EPC2: variants seen among roughly 807,000 people sequenced by gnomAD.
EPC2 encodes the protein enhancer of polycomb 2, also known as enhancer of polycomb homolog 2.
EPC2 carries 14 observed loss-of-function variants against 92.1 expected under a neutral mutation model. The observed-to-expected ratio is 0.15, with a 90% CI of 0.10 to 0.24. EPC2 has a LOEUF of 0.24. Among genes scored for constraint, EPC2 ranks in the 10% least tolerant of loss-of-function variants. The pLI is 1.00. For synonymous variants in EPC2, 340 were observed against 334.7 expected, an observed-to-expected ratio of 1.02 and a Z score of -0.17; for missense variants, 755 against 971.5, an observed-to-expected ratio of 0.78 and a Z score of 2.96.
chr2:148,689,431 G>T (rs1421568671), intron 1 of EPC2, among the ~76,000 whole-genome samples: 1 of 152,128 alleles, frequency 6.6e-6, no homozygotes, highest in African/African-American at 2.4e-5. Context: ...GCCCATCTTG[G>T]CCTCCCAAAG....
chr2:148,739,272 T>C (rs1256224866), intron 2 of EPC2, among the ~76,000 whole-genome samples: 1 of 152,234 alleles, frequency 6.6e-6, no homozygotes. Context: ...TATTATGAAG[T>C]AATGGGCAGT....
Position 148,783,684 on chromosome 2 carries a change from C to A in EPC2, c.1945C>A (p.Pro649Thr). Residue 649 changes from proline (P) to threonine (T), a missense_variant, in exon 12 of 14, where the codon CCA becomes ACA. Physicochemically the swap from Pro to Thr is conservative, Grantham distance 38. Coordinates refer to ENST00000258484, the MANE Select transcript of EPC2 (RefSeq NM_015630.4). Reference sequence around the variant, plus strand: ...ATCTGCAGTGGTCAGTGCACCTGTTCCAAGTCGCAGTGAGGTAGCCAAGGA... The same window carrying A: ...ATCTGCAGTGGTCAGTGCACCTGTTACAAGTCGCAGTGAGGTAGCCAAGGA... The part of the protein sequence containing the change: ...AASAVVSAPV[P>T]SRSEVAKEQN... 6.3e-7 allele frequency: 1 copy of A among 1,597,426 alleles called. No homozygotes were observed. Among genetic ancestry groups the A allele is most frequent in the East Asian group, 2.2e-5 (1 of 44,448 alleles).
chr2:148,680,851 C>G (rs1412884965), intron 1 of EPC2, among the ~76,000 whole-genome samples: 1 of 152,066 alleles, frequency 6.6e-6, no homozygotes, highest in African/African-American at 2.4e-5. Flanking sequence ...AGAAGAGGAC[C>G]AGTATATAAA....
chr2:148,693,221 T>A (rs1276881791), intron 2 of EPC2, among the ~76,000 whole-genome samples: 2 of 152,222 alleles, frequency 1.3e-5, no homozygotes, highest in African/African-American at 4.8e-5. Context: ...TTCCTTTTCT[T>A]CTTTTAATGA....
Position 148,765,037 on chromosome 2 carries a change from A to C in EPC2, c.1031A>C (p.Glu344Ala). 6.2e-7 allele frequency: 1 copy of C among 1,608,670 alleles called. No individual in the cohort carries two copies. Among genetic ancestry groups the C allele is most frequent in the Non-Finnish European group, 8.5e-7 (1 of 1,176,910 alleles). Residue 344 changes from glutamate (E) to alanine (A), a missense_variant, in exon 7 of 14, where the codon GAG (glutamate) becomes GCG (alanine). Glu to Ala is a moderately radical substitution (Grantham distance 107). Coordinates refer to ENST00000258484, the MANE Select transcript of EPC2 (RefSeq NM_015630.4). Reference sequence around the variant, plus strand: ...AAGTACCCAAAGAAGCCTAAAGCAGAGGCTTTGATAACATCTCAGCAACCC... The same window carrying C: ...AAGTACCCAAAGAAGCCTAAAGCAGCGGCTTTGATAACATCTCAGCAACCC... ...KKKYPKKPKA[E>A]ALITSQQPTP...
chr2:148,775,390 G>A lies in EPC2; in HGVS notation c.1720+4003G>A, dbSNP rs1406565298. On this transcript the variant is annotated intron_variant, in intron 10 of 13. Transcript: ENST00000258484. Reference sequence around the variant, plus strand: ...TTATTTAACTGTTCTTTGAAATGATGTTCTTAAATCCAGAACTCAAGAAAA... The same window carrying A: ...TTATTTAACTGTTCTTTGAAATGATATTCTTAAATCCAGAACTCAAGAAAA... Among the ~76,000 whole-genome samples the A allele has an allele frequency of 2.0e-5, 3 of 151,826 alleles. No individual in the cohort carries two copies. In the South Asian group the frequency reaches 6.2e-4, roughly 31 times the overall value.
chr2:148,700,174 T>C (rs553265940), intron 2 of EPC2, among the ~76,000 whole-genome samples: 8 of 152,278 alleles, frequency 5.3e-5, no homozygotes, highest in African/African-American at 1.9e-4. Context: ...CTGTGCCTTG[T>C]CTTTTCATTC....
At chr2:148,685,272 G>A (rs1436224782) in intron 1 of EPC2, among the ~76,000 whole-genome samples, 2 of 150,264 alleles carry the variant, frequency 1.3e-5, no homozygotes, top group South Asian at 2.1e-4. Context: ...TTTATTGTTC[G>A]TACTTCTGAA....
At chr2:148,783,088 T>A (rs886441523) in intron 11 of EPC2, among the ~76,000 whole-genome samples, 1 of 152,218 alleles carries the variant, frequency 6.6e-6, no homozygotes, top group Non-Finnish European at 1.5e-5. Context: ...GGACTAGGGC[T>A]GTAGGACTTA....
intron 2 of EPC2, among the ~76,000 whole-genome samples, chr2:148,718,393 T>C (rs996331434): frequency 6.6e-6 from 1 of 152,180 alleles, no homozygotes; most frequent in African/African-American, 2.4e-5. Context: ...CCTTTCCATA[T>C]TTAGTGCTTC....
At chr2:148,733,479 A>ATTTTTTTTTTTTTTTTTT (rs34219179) in intron 2 of EPC2, among the ~76,000 whole-genome samples, 2 of 26,680 alleles carry the variant, frequency 7.5e-5, no homozygotes, top group African/African-American at 2.6e-4. Context: ...CTCTCTCTGG[A>ATTTTTTTTTTTTTTTTTT]TTTTTTTTTT....
intron 4 of EPC2, among the ~76,000 whole-genome samples, chr2:148,760,402 T>C (rs996250968): frequency 6.6e-6 from 1 of 152,224 alleles, no homozygotes; most frequent in Non-Finnish European, 1.5e-5. Flanking sequence ...CCAGCTGGCA[T>C]GTAACCTCAT....
At position 148,784,738 on chromosome 2, in the gene EPC2, T is replaced by C; in HGVS notation, c.2088T>C (p.Leu696=). Residue 696 remains leucine (L), a synonymous_variant, in exon 13 of 14, where the codon CTT becomes CTC. Transcript: ENST00000258484. ...SSSPGISAVQ[L]VRTVGHTTTN... The stretch of plus-strand genomic sequence containing the variant: ...GCCCAGGGATTTCAGCTGTACAGCT[T>C]GTAAGGACAGTTGGCCACACCACTA... 13 of 1,613,970 alleles carry C rather than the reference T, an allele frequency of 8.1e-6. No homozygotes were observed. Among genetic ancestry groups the C allele is most frequent in the Non-Finnish European group, 1.1e-5 (13 of 1,179,868 alleles).
intron 2 of EPC2, among the ~76,000 whole-genome samples, chr2:148,715,306 T>TA (rs926925458): frequency 2.0e-5 from 3 of 152,182 alleles, no homozygotes; most frequent in Non-Finnish European, 4.4e-5. Context: ...TTGCTGGGAT[T>TA]ACAGGCGAGA....
At chr2:148,777,087 T>C (rs1211575350) in intron 10 of EPC2, among the ~76,000 whole-genome samples, 5 of 151,866 alleles carry the variant, frequency 3.3e-5, no homozygotes, top group African/African-American at 1.2e-4. Context: ...CTTGAACCCC[T>C]GACCTCAGGT....
intron 1 of EPC2, among the ~76,000 whole-genome samples, chr2:148,670,028 G>T (rs969350030): frequency 6.6e-6 from 1 of 152,064 alleles, no homozygotes; most frequent in Non-Finnish European, 1.5e-5. Context: ...TTCTTTCTCC[G>T]TGCAGTTCTT....
At chr2:148,725,920 T>C (rs1280739549) in intron 2 of EPC2, among the ~76,000 whole-genome samples, 1 of 152,202 alleles carries the variant, frequency 6.6e-6, no homozygotes, top group African/African-American at 2.4e-5. Context: ...CTAAAACTTT[T>C]ACATTTTGTA....
At chr2:148,686,851 G>A (rs960699237) in intron 1 of EPC2, among the ~76,000 whole-genome samples, 1 of 152,296 alleles carries the variant, frequency 6.6e-6, no homozygotes. Flanking sequence ...AGTAGATTTA[G>A]CGTATTCTTG....
At position 148,644,956 on chromosome 2, in the gene EPC2, T is replaced by TCC; in HGVS notation, c.-56_-55dup. 1 of 1,392,296 alleles carries TCC rather than the reference T, an allele frequency of 7.2e-7. No individual in the cohort carries two copies. The highest frequency in any genetic ancestry group is 9.9e-7 in the Non-Finnish European group (1 of 1,012,500). 86.2% of individuals were successfully genotyped at this position (1,392,296 alleles called of 1,614,324 possible). Reference sequence around the variant, plus strand: ...GAGGTGGAGGAGGCGGCGGGAGTCCTCCCCCCCTCCCCGCCCGCCCCGCCG... The same window carrying TCC: ...GAGGTGGAGGAGGCGGCGGGAGTCCTCCCCCCCCCTCCCCGCCCGCCCCGCCG... On this transcript the variant is annotated 5_prime_UTR_variant, in exon 1 of 14. Coordinates refer to ENST00000258484, the MANE Select transcript of EPC2 (RefSeq NM_015630.4).
Sources: allele counts gnomAD v4.1 joint callset (sites outside exome capture counted in the v4.1 genomes callset), GRCh38; gene constraint gnomAD v4.1.1; transcripts MANE v1.5; gene names NCBI Gene and HGNC (gene_info 2026-07-23, HGNC 2026-07-21).